The following BLTP1 variants were observed in gnomAD, a reference collection of about 807,000 sequenced individuals.
The protein encoded by BLTP1 is fragile site-associated protein.
the BLTP1 span, chr4:122,324,302 T>C: frequency 2.1e-6 from 2 of 950,302 alleles, no homozygotes; most frequent in Non-Finnish European, 2.9e-6. Flanking sequence ...ACTCATATTG[T>C]TAAGTAACAT....
chr4:122,245,225 C>A, the BLTP1 span: 2 of 1,182,240 alleles, frequency 1.7e-6, no homozygotes, highest in Middle Eastern at 2.0e-4. Flanking sequence ...ATTTTCTTTA[C>A]AAGTTAAATC....
the BLTP1 span, among the ~76,000 whole-genome samples, chr4:122,295,572 A>T: frequency 6.6e-6 from 1 of 151,788 alleles, no homozygotes; most frequent in Admixed American, 6.6e-5. Flanking sequence ...AAAAGGAGGG[A>T]CTCCTCCCTA....
At chr4:122,287,683 T>C in the BLTP1 span, 2 of 985,160 alleles carry the variant, frequency 2.0e-6, no homozygotes, top group Non-Finnish European at 2.4e-6. Flanking sequence ...ATATTATAAC[T>C]GCGGGGGACA....
At chr4:122,238,451 A>G in the BLTP1 span, 3 of 885,422 alleles carry the variant, frequency 3.4e-6, no homozygotes, top group South Asian at 3.3e-5. Flanking sequence ...CCCCCACTTT[A>G]GAAAATTGTT....
the BLTP1 span, chr4:122,201,062 G>A: frequency 2.5e-5 from 41 of 1,613,658 alleles, no homozygotes; most frequent in Admixed American, 1.8e-4. Context: ...AGACATGGCA[G>A]TGTGAATTAG....
At chr4:122,326,442 T>C in the BLTP1 span, among the ~76,000 whole-genome samples, 1 of 151,756 alleles carries the variant, frequency 6.6e-6, no homozygotes, top group Non-Finnish European at 1.5e-5. Flanking sequence ...TATCCAAATA[T>C]ATTTTGTTTC....
chr4:122,328,757 G>C, the BLTP1 span: 1 of 983,400 alleles, frequency 1.0e-6, no homozygotes, highest in Non-Finnish European at 1.2e-6. Flanking sequence ...AGCAATGGAT[G>C]AAAGACTTAA....
At chr4:122,340,901 C>A in the BLTP1 span, 2 of 847,460 alleles carry the variant, frequency 2.4e-6, no homozygotes, top group Non-Finnish European at 2.8e-6. Flanking sequence ...GTGTTGTCAG[C>A]GATAACACTA....
chr4:122,173,926 T>C, the BLTP1 span, among the ~76,000 whole-genome samples: 2 of 152,250 alleles, frequency 1.3e-5, no homozygotes, highest in Non-Finnish European at 2.9e-5. Flanking sequence ...GTTTTGGTTA[T>C]TTTTAAAGTA....
chr4:122,247,896 T>A, the BLTP1 span: 2 of 974,690 alleles, frequency 2.1e-6, no homozygotes, highest in South Asian at 9.5e-5. Flanking sequence ...ATCATTTAGA[T>A]GCTTAAATGT....
the BLTP1 span, chr4:122,201,136 T>C: frequency 1.9e-6 from 3 of 1,597,474 alleles, no homozygotes; most frequent in Non-Finnish European, 2.6e-6. Flanking sequence ...GGTAATTTTC[T>C]AATAGATATA....
chr4:122,327,411 A>G, the BLTP1 span, among the ~76,000 whole-genome samples: 1 of 151,718 alleles, frequency 6.6e-6, no homozygotes. Context: ...AATCTTTTAT[A>G]TGTATTATTT....
the BLTP1 span, among the ~76,000 whole-genome samples, chr4:122,186,582 T>G: frequency 6.6e-6 from 1 of 152,038 alleles, no homozygotes; most frequent in East Asian, 1.9e-4. Flanking sequence ...ACATATGTGT[T>G]TAGAATATGT....
chr4:122,188,464 G>A, the BLTP1 span, among the ~76,000 whole-genome samples: 7 of 152,026 alleles, frequency 4.6e-5, no homozygotes, highest in Admixed American at 2.0e-4. Flanking sequence ...TCATTGCAGT[G>A]GAATACCACT....
chr4:122,264,166 C>T, the BLTP1 span: 1 of 1,414,272 alleles, frequency 7.1e-7, no homozygotes, highest in Non-Finnish European at 9.3e-7. Context: ...ACTATACAGG[C>T]TTCAAAAGTT....
the BLTP1 span, among the ~76,000 whole-genome samples, chr4:122,341,214 C>T: frequency 2.0e-5 from 3 of 152,054 alleles, no homozygotes; most frequent in Admixed American, 2.0e-4. Context: ...GAAGTATGAA[C>T]ATTTTGAAAG....
At chr4:122,253,271 A>G in the BLTP1 span, among the ~76,000 whole-genome samples, 4 of 152,112 alleles carry the variant, frequency 2.6e-5, no homozygotes, top group African/African-American at 7.2e-5. Flanking sequence ...ACAAACATCA[A>G]AAACAGCCAG....
At chr4:122,223,386 A>G in the BLTP1 span, among the ~76,000 whole-genome samples, 8 of 152,180 alleles carry the variant, frequency 5.3e-5, no homozygotes, top group African/African-American at 1.9e-4. Flanking sequence ...GCCTCAATGT[A>G]TACTGGTATG....
the BLTP1 span, among the ~76,000 whole-genome samples, chr4:122,299,410 G>C: frequency 6.6e-6 from 1 of 152,144 alleles, no homozygotes; most frequent in Non-Finnish European, 1.5e-5. Context: ...GTGAGCTCAA[G>C]GAACAGGGAT....
Sources: allele counts gnomAD v4.1 joint callset (sites outside exome capture counted in the v4.1 genomes callset), GRCh38; gene constraint gnomAD v4.1.1; transcripts MANE v1.5; gene names NCBI Gene and HGNC (gene_info 2026-07-23, HGNC 2026-07-21).